The following ERBIN variants were observed in gnomAD, a reference collection of about 807,000 sequenced individuals.
ERBIN encodes the protein erbb2 interacting protein.
ERBIN carries 60 observed loss-of-function variants against 158.4 expected under a neutral mutation model. That is an observed-to-expected ratio of 0.38 (90% CI 0.31 to 0.47). ERBIN has a LOEUF of 0.47. Among genes scored for constraint, ERBIN ranks in the 20% least tolerant of loss-of-function variants. The pLI is 0.99. For synonymous variants in ERBIN, 594 were observed against 557.2 expected (o/e 1.07, Z -0.93); for missense variants, 1,610 against 1,648.0 (o/e 0.98, Z 0.40).
chr5:65,981,010 C>T (rs1311407020), intron 1 of ERBIN, among the ~76,000 whole-genome samples: 2 of 152,166 alleles, frequency 1.3e-5, no homozygotes, highest in African/African-American at 4.8e-5. Flanking sequence ...TTCATGTACA[C>T]GTGGAACCTC....
chr5:65,995,573 T>C (rs1044476234), intron 4 of ERBIN, among the ~76,000 whole-genome samples: 2 of 152,216 alleles, frequency 1.3e-5, no homozygotes, highest in African/African-American at 4.8e-5. Flanking sequence ...TTGTGAATAG[T>C]GCTGTAATGA....
At chr5:66,052,123 C>T (rs1014360581) in intron 20 of ERBIN, among the ~76,000 whole-genome samples, 5 of 149,330 alleles carry the variant, frequency 3.3e-5, no homozygotes, top group Admixed American at 1.3e-4. Flanking sequence ...CTTGAGCTTG[C>T]GAGGTTTAGG....
At chr5:65,964,332 A>C (rs1288781066) in intron 1 of ERBIN, among the ~76,000 whole-genome samples, 1 of 152,194 alleles carries the variant, frequency 6.6e-6, no homozygotes, top group Non-Finnish European at 1.5e-5. Context: ...AGAGGAGGAT[A>C]CAGAAGAGGA....
intron 1 of ERBIN, among the ~76,000 whole-genome samples, chr5:65,931,150 T>C (rs186938507): frequency 5.6e-4 from 86 of 152,288 alleles, no homozygotes; most frequent in African/African-American, 2.0e-3. Flanking sequence ...AACTAGAAAA[T>C]AAAAAATGAC....
Position 65,992,891 on chromosome 5 carries a change from T to G in ERBIN, c.173T>G (p.Ile58Ser). The G allele has an allele frequency of 6.3e-7, 1 of 1,597,586 alleles. No homozygotes were observed. The highest frequency in any genetic ancestry group is 8.5e-7 in the Non-Finnish European group (1 of 1,174,766). Residue 58 changes from isoleucine (I) to serine (S), a missense_variant, in exon 3 of 26, where the codon ATT (isoleucine) becomes AGT (serine). Transcript: ENST00000284037. ...LEELYLDANQ[I>S]EELPKQLFNC... The stretch of plus-strand genomic sequence containing the variant: ...GAACTCTATTTAGATGCTAATCAGA[T>G]TGAAGAGCTTCCAAAGGTATGCTAA...
At chr5:65,939,045 A>G (rs960212170) in intron 1 of ERBIN, among the ~76,000 whole-genome samples, 2 of 152,234 alleles carry the variant, frequency 1.3e-5, no homozygotes, top group African/African-American at 4.8e-5. Context: ...GTACAGTAAT[A>G]GAGCTGGCCC....
At position 66,054,345 on chromosome 5, in the gene ERBIN, C is replaced by A; in HGVS notation, c.3027C>A (p.Leu1009=). 6.2e-7 allele frequency: 1 copy of A among 1,614,154 alleles called. No individual in the cohort carries two copies. Among genetic ancestry groups the A allele is most frequent in the South Asian group, 1.1e-5 (1 of 91,084 alleles). The change falls in exon 21 of 26, where the codon CTC becomes CTA. Residue 1009 remains leucine, a synonymous_variant. Transcript: ENST00000284037. ...ACCATGCCAGTTTTCCTCCTCAGCT[C>A]CTTCCTAGATCAGAGAGCACAGAAA... The part of the protein sequence containing the change: ...QIDHASFPPQ[L]LPRSESTENQ...
rs769155679 is a variant in ERBIN, at chr5:66,054,967, T to C, written c.3633+16T>C. 1 of 1,526,924 alleles carries C rather than the reference T, an allele frequency of 6.5e-7. No homozygotes were observed. The highest frequency in any genetic ancestry group is 2.2e-5 in the Admixed American group (1 of 45,772). The allele number at this position is 1,526,924 out of a possible 1,614,324, so 94.6% of individuals were successfully genotyped here. On this transcript the variant is annotated intron_variant, in intron 21 of 25. Coordinates refer to ENST00000284037, the MANE Select transcript of ERBIN (RefSeq NM_001253697.2). ...GTTAGAAAAGGTAATTGAACATGAG[T>C]TTTTCATTATTTTCTTTATGAACTT...
chr5:65,979,314 A>G (rs562547401), intron 1 of ERBIN, among the ~76,000 whole-genome samples: 3 of 152,194 alleles, frequency 2.0e-5, no homozygotes, highest in Admixed American at 6.5e-5. Context: ...TGTAGTCCCA[A>G]CTATTTGGGA....
intron 16 of ERBIN, 80 bp from the exon 17 acceptor site, chr5:66,044,057 A>G: frequency 9.6e-7 from 1 of 1,039,560 alleles, no homozygotes; most frequent in Non-Finnish European, 1.3e-6. Context: ...TGTAATTCAG[A>G]TGGGTTACAG....
chr5:66,044,032 G>A (rs1189662670), intron 16 of ERBIN, 105 bp from the exon 17 acceptor site: 1 of 744,054 alleles, frequency 1.3e-6, no homozygotes, highest in Non-Finnish European at 2.0e-6. Context: ...TTATCCCTAT[G>A]AGCTTGATAT....
chr5:65,964,270 G>A lies in ERBIN; in HGVS notation c.-57-24365G>A, dbSNP rs7704820. Among the ~76,000 whole-genome samples, 647 of 152,284 alleles carry A rather than the reference G, an allele frequency of 4.2e-3. 5 individuals are homozygous for A. Among genetic ancestry groups the A allele is most frequent in the African/African-American group, 0.014 (594 of 41,544 alleles). ...CAAAGCAGCTACTTCATAATTGAAC[G>A]TGTGTGTCATTAATTCTAGAAATCT... On this transcript the variant is annotated intron_variant, in intron 1 of 25. Coordinates refer to ENST00000284037, the MANE Select transcript of ERBIN (RefSeq NM_001253697.2).
In ERBIN at chr5:65,949,579, T is replaced by A. The variant is rs140190030; in HGVS notation, c.-58+22773T>A. Among the ~76,000 whole-genome samples, 539 of 152,340 alleles carry A rather than the reference T, an allele frequency of 3.5e-3. 2 individuals carry two copies. Among genetic ancestry groups the A allele is most frequent in the African/African-American group, 0.012 (491 of 41,582 alleles). On this transcript the variant is annotated intron_variant, in intron 1 of 25. Transcript: ENST00000284037. The stretch of plus-strand genomic sequence containing the variant: ...ACAATAAGTTAAATAACTGGATTAG[T>A]TGTCGTTTAGAAAAACTTTATTTTG...
At chr5:65,989,597 G>A (rs1185910070) in intron 2 of ERBIN, among the ~76,000 whole-genome samples, 1 of 151,996 alleles carries the variant, frequency 6.6e-6, no homozygotes, top group Non-Finnish European at 1.5e-5. Context: ...AAAAAAAATC[G>A]GAAATTGTTA....
intron 1 of ERBIN, among the ~76,000 whole-genome samples, chr5:65,964,355 A>C (rs1036245755): frequency 2.6e-5 from 4 of 152,186 alleles, no homozygotes; most frequent in Non-Finnish European, 5.9e-5. Flanking sequence ...GGCACTGACT[A>C]GTGGTTTTAA....
chr5:65,957,863 G>T lies in ERBIN; in HGVS notation c.-57-30772G>T, dbSNP rs529284806. ...GAGGGGCTCCTCACTTCTCAGACGGGGCGGCTGCCGGGCGGAGGCACTCCT... is the reference window on the plus strand; with the variant it reads ...GAGGGGCTCCTCACTTCTCAGACGGTGCGGCTGCCGGGCGGAGGCACTCCT... On this transcript the variant is annotated intron_variant, in intron 1 of 25. Transcript: ENST00000284037. 1.8e-3 allele frequency among the ~76,000 whole-genome samples: 268 copies of T among 151,332 alleles called. 1 individual carries two copies. Among genetic ancestry groups the T allele is most frequent in the African/African-American group, 6.3e-3 (260 of 41,218 alleles).
At chr5:65,928,583 A>C (rs1742968576) in intron 1 of ERBIN, among the ~76,000 whole-genome samples, 1 of 152,158 alleles carries the variant, frequency 6.6e-6, no homozygotes, top group African/African-American at 2.4e-5. Flanking sequence ...GAAAATGACT[A>C]TTTAAGCCTC....
In ERBIN at chr5:66,053,729, C is replaced by G. The variant is rs376847581; in HGVS notation, c.2411C>G (p.Thr804Ser). ...SFLSINSKEE[T>S]EHLENGNKYP... ...TTAAGCATTAATTCTAAAGAGGAAA[C>G]TGAGCACTTGGAAAATGGAAACAAG... The change falls in exon 21 of 26, where the codon ACT becomes AGT. Residue 804 changes from threonine to serine, a missense_variant. By Grantham distance (58) the Thr-to-Ser change is moderately conservative (BLOSUM62 1). Around this residue, in one of 2 missense-constraint regions of ERBIN, gnomAD observed 1,014 missense variants for 936.1 expected, o/e 1.08. Coordinates refer to ENST00000284037, the MANE Select transcript of ERBIN (RefSeq NM_001253697.2). The G allele has an allele frequency of 2.5e-6, 4 of 1,613,636 alleles. No individual in the cohort carries two copies. In the African/African-American group the frequency reaches 4.0e-5, roughly 16 times the overall value.
chr5:65,995,566 TG>T (rs1206163728), intron 4 of ERBIN, among the ~76,000 whole-genome samples: 5 of 152,228 alleles, frequency 3.3e-5, no homozygotes, highest in Non-Finnish European at 7.3e-5. Flanking sequence ...TTGGCTATTG[TG>T]AATAGTGCTG....
Sources: gnomAD v4.1 joint callset for allele counts (sites outside exome capture counted in the v4.1 genomes callset) on GRCh38, gnomAD v4.1.1 for gene constraint, gnomAD v4.1.1 regional missense constraint, MANE v1.5 for transcripts, NCBI Gene and HGNC (gene_info 2026-07-23, HGNC 2026-07-21) for gene names.